GPR158: variants seen among roughly 807,000 people sequenced by gnomAD.
GPR158 encodes the protein metabotropic glycine receptor.
In GPR158, 30 loss-of-function variants were observed where a neutral mutation model predicts 78.2. The ratio of observed to expected loss-of-function variants is 0.38; its 90% confidence interval spans 0.29 to 0.52. GPR158 has a LOEUF of 0.52. Among genes scored for constraint, GPR158 ranks in the 20% least tolerant of loss-of-function variants. The pLI, the probability that GPR158 is intolerant of heterozygous loss-of-function variation, is 0.83. For missense variants in GPR158, 1,463 were observed against 1,523.5 expected, an observed-to-expected ratio of 0.96 and a Z score of 0.66; for synonymous variants, 581 against 591.1, an observed-to-expected ratio of 0.98 and a Z score of 0.25.
rs1447596838 is a variant in GPR158, at chr10:25,311,677, A to G, written c.1009-84234A>G. Among the ~76,000 whole-genome samples the G allele has an allele frequency of 5.3e-5, 8 of 151,964 alleles. No homozygotes were observed. In the East Asian group the frequency reaches 1.3e-3, roughly 26 times the overall value. ...TTTTTGGTCTCAAGACTTCCTTTAT[A>G]TGCTTAAATATTTTTGAGTGCCCCA... On this transcript the variant is annotated intron_variant, in intron 2 of 10. Coordinates refer to ENST00000376351, the MANE Select transcript of GPR158 (RefSeq NM_020752.3).
Position 25,395,983 on chromosome 10 carries a change from C to G in GPR158, c.1081C>G (p.Pro361Ala). Residue 361 changes from proline (P) to alanine (A), a missense_variant, in exon 3 of 11, where the codon CCT becomes GCT. Physicochemically the swap from Pro to Ala is conservative, Grantham distance 27 (BLOSUM62 -1). Coordinates refer to ENST00000376351, the MANE Select transcript of GPR158 (RefSeq NM_020752.3). ...ECICKAGFYH[P>A]GVLPVNNFRR... ...CATTTGCAAAGCAGGATTCTATCAT[C>G]CTGGAGTCTTACCAGTGAACAACTT... 2 of 1,604,368 alleles carry G rather than the reference C, an allele frequency of 1.2e-6. No individual in the cohort carries two copies. The highest frequency in any genetic ancestry group is 1.7e-6 in the Non-Finnish European group (2 of 1,171,276).
At chr10:25,199,124 G>GTTTT (rs777671478) in intron 1 of GPR158, among the ~76,000 whole-genome samples, 2 of 147,862 alleles carry the variant, frequency 1.4e-5, no homozygotes, top group Non-Finnish European at 1.5e-5. Flanking sequence ...CTCAAATAAA[G>GTTTT]TTTTTGTTTT....
chr10:25,187,577 C>G (rs527720243), intron 1 of GPR158, among the ~76,000 whole-genome samples: 1 of 152,298 alleles, frequency 6.6e-6, no homozygotes, highest in South Asian at 2.1e-4. Context: ...CGACAAAATT[C>G]AACAGCCCTT....
At chr10:25,559,296 A>AT (rs1836830938) in intron 6 of GPR158, among the ~76,000 whole-genome samples, 1 of 151,882 alleles carries the variant, frequency 6.6e-6, no homozygotes. Flanking sequence ...TTAGCATGGT[A>AT]TTTTTTTCCA....
intron 5 of GPR158, among the ~76,000 whole-genome samples, chr10:25,488,485 A>T (rs915713611): frequency 1.3e-5 from 2 of 152,110 alleles, no homozygotes; most frequent in Non-Finnish European, 2.9e-5. Flanking sequence ...CAATGCATAT[A>T]TGTTATCTTT....
chr10:25,267,176 C>G (rs1045269133), intron 2 of GPR158, among the ~76,000 whole-genome samples: 5 of 152,084 alleles, frequency 3.3e-5, no homozygotes, highest in Admixed American at 2.6e-4. Context: ...TTAGTCCATT[C>G]TCATGCTGCT....
intron 5 of GPR158, among the ~76,000 whole-genome samples, chr10:25,467,889 G>A (rs886639899): frequency 3.9e-5 from 6 of 152,110 alleles, no homozygotes; most frequent in South Asian, 4.2e-4. Context: ...CTAGTTTCCC[G>A]CTTCTGCCTC....
intron 4 of GPR158, among the ~76,000 whole-genome samples, chr10:25,453,917 C>T (rs977078174): frequency 3.9e-5 from 6 of 151,902 alleles, no homozygotes; most frequent in Admixed American, 1.3e-4. Context: ...GTTTTGGGGT[C>T]TTTTGTGGTT....
chr10:25,319,959 G>A (rs1401772710), intron 2 of GPR158, among the ~76,000 whole-genome samples: 4 of 152,066 alleles, frequency 2.6e-5, no homozygotes, highest in Admixed American at 6.5e-5. Context: ...TGAACTTTGG[G>A]ATTGTTCATC....
In GPR158 at chr10:25,411,827, G is replaced by A. The variant is rs1037185666; in HGVS notation, c.1112-423G>A. Among the ~76,000 whole-genome samples the A allele has an allele frequency of 4.0e-5, 6 of 150,672 alleles. No individual in the cohort carries two copies. In the East Asian group the frequency reaches 5.9e-4, roughly 15 times the overall value. On this transcript the variant is annotated intron_variant, in intron 3 of 10. Coordinates refer to ENST00000376351, the MANE Select transcript of GPR158 (RefSeq NM_020752.3). ...GTGGGCACCTGTAGTCCAGCTACTC[G>A]GGAGGCTGAGGCAGGAGAATGGTGT...
chr10:25,320,967 A>G (rs1441033104), intron 2 of GPR158, among the ~76,000 whole-genome samples: 10 of 152,232 alleles, frequency 6.6e-5, no homozygotes, highest in Admixed American at 5.9e-4. Context: ...ATTCATATGT[A>G]ACATACACAT....
chr10:25,423,128 T>TAC (rs1554802509), intron 4 of GPR158, among the ~76,000 whole-genome samples: 1 of 140,662 alleles, frequency 7.1e-6, no homozygotes, highest in Non-Finnish European at 1.5e-5. Flanking sequence ...TACATATATA[T>TAC]GTATATACAT....
intron 1 of GPR158, among the ~76,000 whole-genome samples, chr10:25,212,423 C>A (rs1853144378): frequency 6.6e-6 from 1 of 152,120 alleles, no homozygotes; most frequent in Non-Finnish European, 1.5e-5. Context: ...CCAAGCCATT[C>A]ATGATCCGAT....
At chr10:25,450,845 A>G (rs1035317086) in intron 4 of GPR158, among the ~76,000 whole-genome samples, 4 of 152,074 alleles carry the variant, frequency 2.6e-5, no homozygotes, top group African/African-American at 4.8e-5. Flanking sequence ...TCCCATTTCT[A>G]TTTATCTTTT....
At chr10:25,413,235 G>T (rs1295292747) in intron 4 of GPR158, among the ~76,000 whole-genome samples, 1 of 152,232 alleles carries the variant, frequency 6.6e-6, no homozygotes, top group Non-Finnish European at 1.5e-5. Context: ...AGGAGGCTGA[G>T]AAAGGAGTAT....
At chr10:25,559,785 TG>T (rs1836838504) in intron 6 of GPR158, among the ~76,000 whole-genome samples, 1 of 152,234 alleles carries the variant, frequency 6.6e-6, no homozygotes, top group African/African-American at 2.4e-5. Flanking sequence ...TCTTTACATT[TG>T]TTTATAGTTT....
intron 2 of GPR158, among the ~76,000 whole-genome samples, chr10:25,308,316 G>A (rs548359106): frequency 1.3e-5 from 2 of 152,066 alleles, no homozygotes; most frequent in Non-Finnish European, 2.9e-5. Context: ...CCTACCACCC[G>A]ACAGGCCCCA....
intron 2 of GPR158, among the ~76,000 whole-genome samples, chr10:25,289,761 G>A (rs561370986): frequency 6.6e-6 from 1 of 152,280 alleles, no homozygotes; most frequent in South Asian, 2.1e-4. Context: ...AAAACTGGTT[G>A]AAGTCCACAA....
At chr10:25,263,247 G>A (rs1190250748) in intron 2 of GPR158, among the ~76,000 whole-genome samples, 1 of 152,156 alleles carries the variant, frequency 6.6e-6, no homozygotes, top group Non-Finnish European at 1.5e-5. Flanking sequence ...ATTTTTGCAT[G>A]AGGATGTCCA....
Sources: allele counts gnomAD v4.1 joint callset (sites outside exome capture counted in the v4.1 genomes callset), GRCh38; gene constraint gnomAD v4.1.1; transcripts MANE v1.5; gene names NCBI Gene and HGNC (gene_info 2026-07-23, HGNC 2026-07-21).